The following DYSF variants were observed in gnomAD, a reference collection of about 807,000 sequenced individuals.
DYSF encodes the protein dysferlin, also known as dystrophy-associated fer-1-like 1.
A neutral mutation model predicts 274.9 loss-of-function variants in DYSF; 212 were observed. That is an observed-to-expected ratio of 0.77 (90% CI 0.69 to 0.86). The LOEUF is 0.86. Ranked by LOEUF, DYSF falls within the 40% of genes least tolerant of loss-of-function variation. The probability of loss-of-function intolerance (pLI) is 0.00; values close to 1 mark genes in which losing one functional copy is unlikely to be tolerated. For synonymous variants in DYSF, 1,091 were observed against 1,078.7 expected, an observed-to-expected ratio of 1.01 and a Z score of -0.22; for missense variants, 2,666 against 2,783.2, an observed-to-expected ratio of 0.96 and a Z score of 0.95.
chr2:71,610,478 C>G (rs1369270499), intron 36 of DYSF, among the ~76,000 whole-genome samples: 2 of 152,232 alleles, frequency 1.3e-5, no homozygotes, highest in Non-Finnish European at 2.9e-5. Context: ...AAGGCAGTAC[C>G]TGCCTCCCTT....
intron 1 of DYSF, among the ~76,000 whole-genome samples, chr2:71,469,013 G>T (rs545456780): frequency 8.6e-4 from 131 of 152,334 alleles, no homozygotes; most frequent in African/African-American, 2.7e-3. Flanking sequence ...ATCACTTGTA[G>T]AACGTGTTTG....
intron 12 of DYSF, among the ~76,000 whole-genome samples, chr2:71,523,964 T>C (rs2087587075): frequency 6.6e-6 from 1 of 152,204 alleles, no homozygotes; most frequent in South Asian, 2.1e-4. Flanking sequence ...TTCAAGGCCC[T>C]TGACATTTGC....
At chr2:71,453,792 G>C in exon 1 of DYSF, 1 of 606,232 alleles carries the variant, frequency 1.6e-6, no homozygotes, top group South Asian at 1.9e-5. Flanking sequence ...CAGCCGGGGC[G>C]GGGACCCAGC....
intron 3 of DYSF, among the ~76,000 whole-genome samples, chr2:71,500,494 G>A (rs868205826): frequency 2.6e-5 from 4 of 152,202 alleles, no homozygotes; most frequent in Middle Eastern, 3.4e-3. Flanking sequence ...GAAATAACAA[G>A]CAGTCAACCC....
chr2:71,609,890 C>T (rs1287728297), intron 36 of DYSF, among the ~76,000 whole-genome samples: 3 of 152,170 alleles, frequency 2.0e-5, no homozygotes, highest in African/African-American at 2.4e-5. Flanking sequence ...AGAAGGAACC[C>T]AACAGAAGTC....
chr2:71,640,940 T>G (rs1371674802), intron 41 of DYSF, among the ~76,000 whole-genome samples: 1 of 152,192 alleles, frequency 6.6e-6, no homozygotes, highest in Non-Finnish European at 1.5e-5. Context: ...TCTTTTCCAC[T>G]TTCTTTTAAG....
At chr2:71,505,574 A>G (rs1486041491) in intron 4 of DYSF, among the ~76,000 whole-genome samples, 1 of 152,170 alleles carries the variant, frequency 6.6e-6, no homozygotes, top group Non-Finnish European at 1.5e-5. Flanking sequence ...GTTCTCACCC[A>G]AGTCCCTTCA....
At chr2:71,649,962 A>C (rs1365727095) in intron 42 of DYSF, among the ~76,000 whole-genome samples, 1 of 152,232 alleles carries the variant, frequency 6.6e-6, no homozygotes, top group Admixed American at 6.5e-5. Context: ...ATGAGAGGGT[A>C]TTCAGGTTCC....
rs189734689 is a variant in DYSF at position 71,565,793 on chromosome 2, C to T, written c.2565+1580C>T. Reference sequence around the variant, plus strand: ...TAAAATGAGGGTGGGTGGGGCTGCCCACTTTACAGGTTTTGAGGGTTGAGT... The same window carrying T: ...TAAAATGAGGGTGGGTGGGGCTGCCTACTTTACAGGTTTTGAGGGTTGAGT... On this transcript the variant is annotated intron_variant, in intron 24 of 55. Transcript: ENST00000410020. 1.9e-3 allele frequency among the ~76,000 whole-genome samples: 290 copies of T among 152,308 alleles called. 2 individuals are homozygous for T. Among genetic ancestry groups the T allele is most frequent in the African/African-American group, 6.8e-3 (282 of 41,558 alleles).
chr2:71,658,656 A>G (rs2094820551), intron 43 of DYSF, among the ~76,000 whole-genome samples: 1 of 152,198 alleles, frequency 6.6e-6, no homozygotes, highest in African/African-American at 2.4e-5. Flanking sequence ...GCAAAAGCAG[A>G]AACACCTGAT....
chr2:71,566,779 T>G (rs1215143666), intron 24 of DYSF, among the ~76,000 whole-genome samples: 3 of 152,136 alleles, frequency 2.0e-5, no homozygotes, highest in Non-Finnish European at 4.4e-5. Context: ...GCATGACACG[T>G]GGACTCAGGG....
rs897148575 is a variant in DYSF, at chr2:71,562,038, C to T, written c.2409+94C>T. The T allele has an allele frequency of 2.9e-5, 44 of 1,510,132 alleles. No homozygotes were observed. In the African/African-American group the frequency reaches 4.8e-4, roughly 17 times the overall value. The allele number at this position is 1,510,132 out of a possible 1,614,324, so 93.5% of individuals were successfully genotyped here. A position where few individuals can be genotyped will look rare whatever the true frequency, so the allele number is the denominator to read the frequency against. ...ACAAGGCGAATGTCTGGATTATTACCCACCCCGGTTCCATTGCTGGGTGAC... is the reference window on the plus strand; with the variant it reads ...ACAAGGCGAATGTCTGGATTATTACTCACCCCGGTTCCATTGCTGGGTGAC... On this transcript the variant is annotated intron_variant, in intron 23 of 55. Transcript: ENST00000410020.
Position 71,601,510 on chromosome 2 carries a change from C to T in DYSF, c.3909C>T (p.His1303=), listed in dbSNP as rs765904804. The change falls in exon 35 of 56, where the codon CAC becomes CAT. Residue 1303 remains histidine, a synonymous_variant. Coordinates refer to ENST00000410020, the MANE Select transcript of DYSF (RefSeq NM_001130987.2). ...TTTCTTCACTCCAGCCGGCCATCCA[C>T]CATATTCCTGGTTTTGAGGTAAGTC... ...ELIQREKPAI[H]HIPGFEVQET... 3 of 1,614,222 alleles carry T rather than the reference C, an allele frequency of 1.9e-6. No homozygotes were observed. The Admixed American group carries it at 5.0e-5, about 27-fold the overall frequency.
intron 4 of DYSF, among the ~76,000 whole-genome samples, chr2:71,507,617 A>T (rs1041230131): frequency 6.6e-6 from 1 of 152,110 alleles, no homozygotes; most frequent in East Asian, 1.9e-4. Flanking sequence ...GTGTGCGCGC[A>T]CACACACACA....
chr2:71,642,944 A>C (rs2094508848), intron 41 of DYSF, among the ~76,000 whole-genome samples: 1 of 152,196 alleles, frequency 6.6e-6, no homozygotes, highest in South Asian at 2.1e-4. Context: ...CTACCTTCTC[A>C]TACAGAGGAG....
intron 40 of DYSF, among the ~76,000 whole-genome samples, chr2:71,617,802 GTA>G (rs778736356): frequency 8.0e-4 from 94 of 117,590 alleles, no homozygotes; most frequent in African/African-American, 1.8e-3. Flanking sequence ...TAGAGGTGGG[GTA>G]TATGTGTGTG....
In DYSF at chr2:71,517,775, T is replaced by C. The variant is rs879789285; in HGVS notation, c.1002+736T>C. Among the ~76,000 whole-genome samples the C allele has an allele frequency of 2.6e-5, 4 of 152,328 alleles. No homozygotes were observed. In the South Asian group the frequency reaches 6.2e-4, roughly 24 times the overall value. On this transcript the variant is annotated intron_variant, in intron 10 of 55. Transcript: ENST00000410020. The stretch of plus-strand genomic sequence containing the variant: ...TGTATACTAAAGCTGACAAAAGGCT[T>C]ATTTAGTTTCTTAAAAAGATGCATT...
intron 1 of DYSF, among the ~76,000 whole-genome samples, chr2:71,456,081 C>T (rs2081050182): frequency 6.6e-6 from 1 of 152,156 alleles, no homozygotes; most frequent in South Asian, 2.1e-4. Flanking sequence ...ATCCTGCATC[C>T]TCCCATTTAC....
chr2:71,548,313 C>T (rs986691978), intron 17 of DYSF, among the ~76,000 whole-genome samples: 1 of 152,190 alleles, frequency 6.6e-6, no homozygotes, highest in Non-Finnish European at 1.5e-5. Context: ...TTTTCCTCAA[C>T]CCTTGACTTC....
Sources: gnomAD v4.1 joint callset for allele counts (sites outside exome capture counted in the v4.1 genomes callset) on GRCh38, gnomAD v4.1.1 for gene constraint, MANE v1.5 for transcripts, NCBI Gene and HGNC (gene_info 2026-07-23, HGNC 2026-07-21) for gene names.